The following LAMC2 variants were observed in gnomAD, a reference collection of about 807,000 sequenced individuals.
The protein encoded by LAMC2 is laminin subunit gamma 2.
In LAMC2, 97 loss-of-function variants were observed where a neutral mutation model predicts 140.2. That is an observed-to-expected ratio of 0.69 (90% CI 0.59 to 0.82). The LOEUF (loss-of-function observed/expected upper bound fraction) is 0.82, where lower values mean the gene tolerates loss of function less well. LAMC2 is among the 40% of genes least tolerant of loss of function. LAMC2 has a pLI of 0.00. For missense variants in LAMC2, 1,402 were observed against 1,476.1 expected (o/e 0.95, Z 0.82); for synonymous variants, 513 against 540.2 (o/e 0.95, Z 0.70).
chr1:183,227,748 T>A (rs1170040972), intron 10 of LAMC2, 51 bp downstream of exon 10: 1 of 1,536,208 alleles, frequency 6.5e-7, no homozygotes, highest in Non-Finnish European at 9.0e-7. Context: ...CCTGATGCCA[T>A]GAATGTGTGC....
chr1:183,252,888 C>T, the LAMC2 span: 7 of 612,228 alleles, frequency 1.1e-5, no homozygotes, highest in East Asian at 2.0e-4. Flanking sequence ...GGCCCTCTTG[C>T]CTCCACAACT....
intron 1 of LAMC2, among the ~76,000 whole-genome samples, chr1:183,187,139 T>A (rs1370417299): frequency 6.6e-6 from 1 of 152,242 alleles, no homozygotes; most frequent in Non-Finnish European, 1.5e-5. Flanking sequence ...GTTTTCCTTG[T>A]CACTTAGTTC....
rs1002187207 is a variant in LAMC2, at chr1:183,232,661, G to A, written c.2024G>A (p.Arg675Lys). 4 of 1,612,818 alleles carry A rather than the reference G, an allele frequency of 2.5e-6. No homozygotes were observed. In the African/African-American group the frequency reaches 5.3e-5, roughly 22 times the overall value. Residue 675 changes from arginine to lysine, a missense_variant, in exon 14 of 23, where the codon AGA (arginine) becomes AAA (lysine). Transcript: ENST00000264144. ...CCTTCTTTGCGTTCAGGTGCTAGCA[G>A]ATCCCTTGGTCTCCAGTTGGCCAAG... is the stretch of plus-strand genomic sequence containing the variant. ...RDAQISEGASRSLGLQLAKVR... is the reference protein window; with the variant it reads ...RDAQISEGASKSLGLQLAKVR...
At chr1:183,234,477 A>T in intron 15 of LAMC2, 31 bp downstream of exon 15, 1 of 1,553,060 alleles carries the variant, frequency 6.4e-7, no homozygotes, top group South Asian at 1.1e-5. Context: ...CCTCTGCTTC[A>T]AGCCGTCTCT....
chr1:183,238,995 A>G (rs1660048276), intron 19 of LAMC2, among the ~76,000 whole-genome samples: 1 of 152,224 alleles, frequency 6.6e-6, no homozygotes, highest in East Asian at 1.9e-4. Flanking sequence ...TTCTTCATGG[A>G]AAGTACTTCT....
At chr1:183,203,826 C>T (rs1293864840) in intron 1 of LAMC2, among the ~76,000 whole-genome samples, 1 of 152,094 alleles carries the variant, frequency 6.6e-6, no homozygotes, top group Non-Finnish European at 1.5e-5. Flanking sequence ...GCCCATACAT[C>T]CCCTCACTCT....
At chr1:183,203,018 C>T (rs1658769075) in intron 1 of LAMC2, among the ~76,000 whole-genome samples, 2 of 152,124 alleles carry the variant, frequency 1.3e-5, no homozygotes, top group Admixed American at 6.5e-5. Context: ...TTCCTTTTTC[C>T]TTTTTCAAAA....
intron 16 of LAMC2, 56 bp from the exon 17 acceptor site, chr1:183,236,404 A>G: frequency 2.0e-6 from 3 of 1,512,174 alleles, no homozygotes; most frequent in Non-Finnish European, 2.7e-6. Context: ...AAAAAAAAAA[A>G]AAGAATTCTC....
At chr1:183,240,008 C>T in intron 20 of LAMC2, 32 bp from the exon 21 acceptor site, 1 of 1,613,950 alleles carries the variant, frequency 6.2e-7, no homozygotes, top group Non-Finnish European at 8.5e-7. Context: ...CCCTATCTCT[C>T]CTTCCGTCCC....
chr1:183,202,600 A>G (rs1658745259), intron 1 of LAMC2, among the ~76,000 whole-genome samples: 1 of 152,232 alleles, frequency 6.6e-6, no homozygotes, highest in African/African-American at 2.4e-5. Context: ...ATGGACAAAG[A>G]TCATGAAGCA....
At position 183,220,877 on chromosome 1, in the gene LAMC2, C is replaced by T; in HGVS notation, c.556C>T (p.Gln186Ter). ...LDGGNPEGCT[Q>*]CFCYGHSASC... ...TGGGGGGAACCCTGAGGGCTGTACCCAGTGTTTCTGCTATGGGCATTCAGC... is the reference window on the plus strand; with the variant it reads ...TGGGGGGAACCCTGAGGGCTGTACCTAGTGTTTCTGCTATGGGCATTCAGC... Residue 186 changes from glutamine (Q) to a stop codon, truncating the protein, a stop_gained, in exon 5 of 23, where the codon CAG (glutamine) becomes TAG (stop). Coordinates refer to ENST00000264144, the MANE Select transcript of LAMC2 (RefSeq NM_005562.3). LOFTEE classifies it high-confidence loss of function. 1 of 1,613,956 alleles carries T rather than the reference C, an allele frequency of 6.2e-7. No individual in the cohort carries two copies. The highest frequency in any genetic ancestry group is 2.2e-5 in the East Asian group (1 of 44,888).
intron 11 of LAMC2, among the ~76,000 whole-genome samples, chr1:183,229,775 G>A (rs1659747215): frequency 6.6e-6 from 1 of 152,058 alleles, no homozygotes; most frequent in Non-Finnish European, 1.5e-5. Flanking sequence ...AAGTGCTTGA[G>A]GACCTCTGCA....
chr1:183,253,295 A>AATATT, the LAMC2 span, among the ~76,000 whole-genome samples: 33 of 147,840 alleles, frequency 2.2e-4, no homozygotes, highest in Middle Eastern at 3.6e-3. Context: ...TAATAGTGTT[A>AATATT]ATATTATATT....
At position 183,228,540 on chromosome 1, in the gene LAMC2, AGCCGGCATCTACTGC is replaced by A. The variant is rs763146806; in HGVS notation, c.1637_1651del (p.Ala546_Cys550del). The A allele has an allele frequency of 6.2e-6, 10 of 1,613,988 alleles. No individual in the cohort carries two copies. The East Asian group carries it at 2.0e-4, about 32-fold the overall frequency. On this transcript the variant is annotated inframe_deletion, in exon 11 of 23. Coordinates refer to ENST00000264144, the MANE Select transcript of LAMC2 (RefSeq NM_005562.3). The surrounding 1 kb of genome is among the most constrained non-coding windows in gnomAD (Gnocchi z 4.3). ...GGTGTTTGAAGTGTATCCACAACAC[AGCCGGCATCTACTGC>A]GACCAGTGCAAAGCAGGCTACTTCG...
chr1:183,220,749 C>T lies in LAMC2; in HGVS notation c.504-76C>T, dbSNP rs1403061880. On this transcript the variant is annotated intron_variant, in intron 4 of 22. Transcript: ENST00000264144. The stretch of plus-strand genomic sequence containing the variant: ...CCAAATGGAAGAGAAGGTAGAGAGG[C>T]TGACTCATTCATCATATTTTTTCTA... The T allele has an allele frequency of 1.1e-5, 16 of 1,416,774 alleles. No individual in the cohort carries two copies. The Admixed American group carries it at 2.7e-4, about 24-fold the overall frequency. The allele number at this position is 1,416,774 out of a possible 1,614,324, so 87.8% of individuals were successfully genotyped here.
At chr1:183,225,171 A>G (rs747477410) in intron 7 of LAMC2, among the ~76,000 whole-genome samples, 5 of 152,250 alleles carry the variant, frequency 3.3e-5, no homozygotes, top group Non-Finnish European at 5.9e-5. Flanking sequence ...TAAAAGTGGA[A>G]ACTGATTTTT....
At chr1:183,191,498 CT>C (rs58871555) in intron 1 of LAMC2, among the ~76,000 whole-genome samples, 43,165 of 138,718 alleles carry the variant, frequency 0.31, 6,541 homozygotes, top group East Asian at 0.44. Flanking sequence ...AACTTACTGA[CT>C]TTTTTTTTTT....
intron 1 of LAMC2, among the ~76,000 whole-genome samples, chr1:183,195,459 G>A (rs1314960652): frequency 6.6e-6 from 1 of 152,148 alleles, no homozygotes; most frequent in Non-Finnish European, 1.5e-5. Flanking sequence ...ATTCAAAATT[G>A]CCTGTGAGAT....
intron 22 of LAMC2, chr1:183,241,245 CAAAA>C (rs11318188): frequency 1.6e-3 from 1,252 of 790,770 alleles, no homozygotes; most frequent in African/African-American, 5.7e-3. Context: ...AAGACTGTCT[CAAAA>C]AAAAAAAAAA....
Sources: gnomAD v4.1 joint callset for allele counts (sites outside exome capture counted in the v4.1 genomes callset) on GRCh38, gnomAD v4.1.1 for gene constraint, Gnocchi (gnomAD v3.1) non-coding constraint, MANE v1.5 for transcripts, NCBI Gene and HGNC (gene_info 2026-07-23, HGNC 2026-07-21) for gene names.